Variants in DAB1 observed in about 807,000 individuals in gnomAD.
The protein encoded by DAB1 is disabled homolog 1.
A neutral mutation model predicts 64.6 loss-of-function variants in DAB1; 15 were observed. The observed-to-expected ratio is 0.23, with a 90% CI of 0.16 to 0.36. The LOEUF is 0.36. Among genes scored for constraint, DAB1 ranks in the 10% least tolerant of loss-of-function variants. DAB1 has a pLI of 1.00. For missense variants in DAB1, 596 were observed against 706.7 expected, an observed-to-expected ratio of 0.84 and a Z score of 1.78; for synonymous variants, 235 against 251.9, an observed-to-expected ratio of 0.93 and a Z score of 0.64.
intron 5 of DAB1, among the ~76,000 whole-genome samples, chr1:58,082,614 T>G (rs577131719): frequency 7.9e-5 from 12 of 152,124 alleles, no homozygotes; most frequent in African/African-American, 2.9e-4. Context: ...CAGGAAACTT[T>G]CTGGAGGAAG....
intron 6 of DAB1, among the ~76,000 whole-genome samples, chr1:57,656,790 A>G (rs1027235635): frequency 6.6e-6 from 1 of 152,200 alleles, no homozygotes; most frequent in African/African-American, 2.4e-5. Context: ...ACTACTTTCT[A>G]TGAAAATTTA....
rs1379920524 is a variant in DAB1 at position 58,377,819 on chromosome 1, A to G, written n.258-34416T>C. ...CTCCGCATCACTTTCAGGTACACCA[A>G]TCAGACGTAGATTTGGTCTTTTCAC... On this transcript the variant is annotated intron_variant and non_coding_transcript_variant, in intron 3 of 20. Transcript: ENST00000485760. Among the ~76,000 whole-genome samples the G allele has an allele frequency of 5.1e-4, 71 of 139,962 alleles. 9 individuals carry two copies. Among genetic ancestry groups the G allele is most frequent in the South Asian group, 2.3e-3 (10 of 4,346 alleles). The allele number at this position is 139,962 out of a possible 152,430, so 91.8% of individuals were successfully genotyped here. A position where few individuals can be genotyped will look rare whatever the true frequency, so the allele number is the denominator to read the frequency against.
At chr1:57,937,823 A>G (rs1645049055) in intron 5 of DAB1, among the ~76,000 whole-genome samples, 1 of 152,208 alleles carries the variant, frequency 6.6e-6, no homozygotes, top group Non-Finnish European at 1.5e-5. Context: ...GTCCTGGAGC[A>G]GGCCCTGCAG....
rs138835972 is a variant in DAB1, at chr1:58,014,797, T to C, written n.388-130635A>G. 3.2e-3 allele frequency among the ~76,000 whole-genome samples: 483 copies of C among 152,246 alleles called. 1 individual carries two copies. Among genetic ancestry groups the C allele is most frequent in the African/African-American group, 0.011 (457 of 41,534 alleles). ...TGGCAATGGAGTGAGGGAATCGATT[T>C]GCCTGACTTAATGAGGGAGAGATGT... is the stretch of plus-strand genomic sequence containing the variant. On this transcript the variant is annotated intron_variant and non_coding_transcript_variant, in intron 5 of 20. Coordinates refer to the DAB1 transcript ENST00000485760.
intron 4 of DAB1, among the ~76,000 whole-genome samples, chr1:58,258,387 G>A (rs1660980694): frequency 6.6e-6 from 1 of 152,206 alleles, no homozygotes; most frequent in Non-Finnish European, 1.5e-5. Context: ...ATATTTTGCA[G>A]GTCTAGCTGG....
At chr1:58,504,300 C>T (rs941426814) in intron 3 of DAB1, among the ~76,000 whole-genome samples, 1 of 152,188 alleles carries the variant, frequency 6.6e-6, no homozygotes, top group Non-Finnish European at 1.5e-5. Context: ...GTCTTCCTTG[C>T]TATTCCTTGA....
chr1:57,452,324 C>T (rs1421486116), intron 7 of DAB1, among the ~76,000 whole-genome samples: 2 of 151,850 alleles, frequency 1.3e-5, no homozygotes, highest in Non-Finnish European at 2.9e-5. Context: ...AGTAACAAAC[C>T]TCACAAGAGA....
chr1:58,137,927 G>A (rs1045900022), intron 5 of DAB1, among the ~76,000 whole-genome samples: 1 of 152,180 alleles, frequency 6.6e-6, no homozygotes, highest in African/African-American at 2.4e-5. Context: ...GCACATGCAT[G>A]CATTTGAGCC....
chr1:57,012,663 A>C (rs1646300477), intron 12 of DAB1, among the ~76,000 whole-genome samples: 1 of 152,232 alleles, frequency 6.6e-6, no homozygotes, highest in African/African-American at 2.4e-5. Flanking sequence ...ATTTGCAATG[A>C]AATCTGTTTT....
intron 1 of DAB1, chr1:57,867,586 A>T (rs1313213319): frequency 6.6e-6 from 1 of 152,134 alleles, no homozygotes; most frequent in Non-Finnish European, 1.5e-5. Context: ...ACAACCTGAC[A>T]TCATCATCTA....
chr1:58,454,661 A>G (rs1412308605), intron 3 of DAB1, among the ~76,000 whole-genome samples: 2 of 151,626 alleles, frequency 1.3e-5, no homozygotes, highest in Admixed American at 1.3e-4. Flanking sequence ...CCACCTGGGG[A>G]CCCTCCCTCC....
At chr1:57,433,524 A>G (rs1470921321) in intron 7 of DAB1, among the ~76,000 whole-genome samples, 1 of 152,140 alleles carries the variant, frequency 6.6e-6, no homozygotes, top group African/African-American at 2.4e-5. Flanking sequence ...TGTATATAGA[A>G]CAAAATATAA....
intron 9 of DAB1, among the ~76,000 whole-genome samples, chr1:57,060,246 G>A (rs1024330079): frequency 2.0e-5 from 3 of 151,830 alleles, no homozygotes; most frequent in East Asian, 1.9e-4. Flanking sequence ...CGCCTCCAGG[G>A]TTCAAGCGAT....
intron 1 of DAB1, among the ~76,000 whole-genome samples, chr1:57,834,909 C>A (rs1459360749): frequency 1.3e-5 from 2 of 152,118 alleles, no homozygotes; most frequent in Non-Finnish European, 2.9e-5. Context: ...CCCTCCTTCC[C>A]AAGTCTATTT....
chr1:57,240,718 C>G (rs1668434815), intron 2 of DAB1, among the ~76,000 whole-genome samples: 1 of 152,082 alleles, frequency 6.6e-6, no homozygotes, highest in Non-Finnish European at 1.5e-5. Context: ...GCTGAGGAGG[C>G]TGGGCTTGAG....
intron 1 of DAB1, among the ~76,000 whole-genome samples, chr1:57,329,777 T>A (rs1676501028): frequency 6.6e-6 from 1 of 152,126 alleles, no homozygotes; most frequent in Non-Finnish European, 1.5e-5. Context: ...AGAGGAAGAT[T>A]CCTGACTGCT....
intron 6 of DAB1, among the ~76,000 whole-genome samples, chr1:57,768,672 A>G (rs1433710511): frequency 1.3e-5 from 2 of 151,636 alleles, no homozygotes; most frequent in Non-Finnish European, 2.9e-5. Flanking sequence ...TATATTTTTT[A>G]TGTATACATG....
At chr1:57,690,362 G>A (rs575917053) in intron 6 of DAB1, among the ~76,000 whole-genome samples, 15 of 152,196 alleles carry the variant, frequency 9.9e-5, no homozygotes, top group African/African-American at 2.6e-4. Flanking sequence ...ATTGGATCAC[G>A]GGGCAGATTT....
intron 3 of DAB1, among the ~76,000 whole-genome samples, chr1:58,344,867 T>C (rs1318205944): frequency 2.6e-5 from 2 of 78,010 alleles, no homozygotes; most frequent in East Asian, 1.0e-3. Flanking sequence ...AGGCTCTTAT[T>C]GAATACTCAA....
Sources: gnomAD v4.1 joint callset for allele counts (sites outside exome capture counted in the v4.1 genomes callset) on GRCh38, gnomAD v4.1.1 for gene constraint, MANE v1.5 for transcripts, NCBI Gene and HGNC (gene_info 2026-07-23, HGNC 2026-07-21) for gene names.